The following IL6R variants were observed in gnomAD, a reference collection of about 807,000 sequenced individuals.
The protein encoded by IL6R is interleukin 6 receptor, also known as interleukin-6 receptor subunit alpha.
Under a neutral mutation model 48.3 loss-of-function variants are expected in IL6R, and 38 were observed. The ratio of observed to expected loss-of-function variants is 0.79; its 90% CI spans 0.61 to 1.03. The LOEUF is 1.03. IL6R is among the 50% of genes least tolerant of loss of function. IL6R has a pLI of 0.00. For missense variants in IL6R, 534 were observed against 618.3 expected (o/e 0.86, Z 1.45); for synonymous variants, 264 against 256.2 (o/e 1.03, Z -0.29).
At position 154,435,039 on chromosome 1, in the gene IL6R, C is replaced by A. The variant is rs148521372; in HGVS notation, c.690C>A (p.Asn230Lys). Residue 230 changes from asparagine (N) to lysine (K), a missense_variant, in exon 5 of 10, where the codon AAC becomes AAA. Asn to Lys is a moderately conservative substitution (Grantham distance 94). Coordinates refer to ENST00000368485, the MANE Select transcript of IL6R (RefSeq NM_000565.4). ...TCACAGTCACTGCCGTGGCCAGAAA[C>A]CCCCGCTGGCTCAGTGTCACCTGGC... ...ANITVTAVAR[N>K]PRWLSVTWQD... 1.9e-6 allele frequency: 3 copies of A among 1,614,172 alleles called. No individual in the cohort carries two copies. Among genetic ancestry groups the A allele is most frequent in the East Asian group, 2.2e-5 (1 of 44,892 alleles).
intron 8 of IL6R, 136 bp downstream of exon 8, chr1:154,450,116 G>A: frequency 1.7e-6 from 1 of 596,454 alleles, no homozygotes. Context: ...GTGTGTGTGT[G>A]TGTGTGTGTG....
Position 154,405,551 on chromosome 1 carries a change from C to A in IL6R, c.-79C>A. On this transcript the variant is annotated 5_prime_UTR_variant, in exon 1 of 10. Coordinates refer to ENST00000368485, the MANE Select transcript of IL6R (RefSeq NM_000565.4). This position sits in a 1 kb window ranked among gnomAD's most constrained non-coding sequence, Gnocchi z 5.2. ...CCTGCCCGCCCACCGCCCCGCCCCGCCCCTGCCACCCCTGCCGCCCGGTTC... is the reference window on the plus strand; with the variant it reads ...CCTGCCCGCCCACCGCCCCGCCCCGACCCTGCCACCCCTGCCGCCCGGTTC... The A allele has an allele frequency of 1.3e-6, 1 of 787,868 alleles. No homozygotes were observed. The highest frequency in any genetic ancestry group is 1.9e-6 in the Non-Finnish European group (1 of 515,964). 48.8% of individuals were successfully genotyped at this position (787,868 alleles called of 1,614,324 possible). A position where few individuals can be genotyped will look rare whatever the true frequency, so the allele number is the denominator to read the frequency against.
intron 9 of IL6R, among the ~76,000 whole-genome samples, chr1:154,455,868 C>A (rs1690850362): frequency 6.6e-6 from 1 of 151,816 alleles, no homozygotes; most frequent in Non-Finnish European, 1.5e-5. Context: ...ACCAGCCTGG[C>A]CAAAATGATA....
Position 154,455,027 on chromosome 1 carries a change from C to T in IL6R, c.1160+446C>T, listed in dbSNP as rs530943699. ...CTCCTAGGTTCAAGTGATCCTCCCA[C>T]CTCAGCCTCTGGAATAGCTGGGACT... On this transcript the variant is annotated intron_variant, in intron 9 of 9. Transcript: ENST00000368485. Among the ~76,000 whole-genome samples, 5 of 152,298 alleles carry T rather than the reference C, an allele frequency of 3.3e-5. No homozygotes were observed. In the East Asian group the frequency reaches 9.6e-4, roughly 29 times the overall value.
At chr1:154,435,402 C>T (rs992346937) in intron 5 of IL6R, among the ~76,000 whole-genome samples, 23 of 151,442 alleles carry the variant, frequency 1.5e-4, no homozygotes, top group African/African-American at 3.4e-4. Context: ...CCCAGCTATT[C>T]GGGGGCTGAG....
intron 9 of IL6R, among the ~76,000 whole-genome samples, chr1:154,460,510 G>A (rs1026702084): frequency 6.6e-6 from 1 of 152,144 alleles, no homozygotes; most frequent in Non-Finnish European, 1.5e-5. Context: ...ACATACATAT[G>A]TATGTGATAT....
intron 7 of IL6R, among the ~76,000 whole-genome samples, chr1:154,449,197 G>A (rs541147949): frequency 0.19 from 28 of 148 alleles, 1 homozygote; most frequent in South Asian, 0.43. Context: ...GCCCGGCCTT[G>A]TAGGGCTTCT....
chr1:154,436,561 T>C (rs560543031), intron 6 of IL6R, among the ~76,000 whole-genome samples: 1 of 152,352 alleles, frequency 6.6e-6, no homozygotes, highest in Admixed American at 6.5e-5. Context: ...GCAGCTCTTC[T>C]GCTGGTCTTG....
Position 154,434,722 on chromosome 1 carries a change from C to T in IL6R, c.640+22C>T, listed in dbSNP as rs1689510599. On this transcript the variant is annotated intron_variant, in intron 4 of 9. Transcript: ENST00000368485. ...ATCTGTACGTAAGCTCTAACCCCCT[C>T]TCCAGCAGTTTCCTTCTCTTTTGAT... is the stretch of plus-strand genomic sequence containing the variant. 5 of 1,599,908 alleles carry T rather than the reference C, an allele frequency of 3.1e-6. No individual in the cohort carries two copies. In the South Asian group the frequency reaches 5.6e-5, roughly 18 times the overall value.
chr1:154,446,681 G>C (rs1300163780), intron 6 of IL6R, among the ~76,000 whole-genome samples: 3 of 152,116 alleles, frequency 2.0e-5, no homozygotes, highest in Admixed American at 6.5e-5. Flanking sequence ...GAGGGTGCCT[G>C]GTCCACATCC....
At chr1:154,461,346 G>A (rs531115055) in intron 9 of IL6R, among the ~76,000 whole-genome samples, 65 of 152,254 alleles carry the variant, frequency 4.3e-4, no homozygotes, top group Non-Finnish European at 7.9e-4. Flanking sequence ...AGCTGGTGGA[G>A]GACAGTGTTC....
chr1:154,405,550 G>GC lies in IL6R; in HGVS notation c.-76dup. Reference sequence around the variant, plus strand: ...GCCTGCCCGCCCACCGCCCCGCCCCGCCCCTGCCACCCCTGCCGCCCGGTT... The same window carrying GC: ...GCCTGCCCGCCCACCGCCCCGCCCCGCCCCCTGCCACCCCTGCCGCCCGGTT... On this transcript the variant is annotated 5_prime_UTR_variant, in exon 1 of 10. Transcript: ENST00000368485. The surrounding 1 kb of genome is among the most constrained non-coding windows in gnomAD (Gnocchi z 5.2). 1 of 66,594 alleles carries GC rather than the reference G, an allele frequency of 1.5e-5. No homozygotes were observed. Among genetic ancestry groups the GC allele is most frequent in the Non-Finnish European group, 2.2e-5 (1 of 45,140 alleles). 4.1% of individuals were successfully genotyped at this position (66,594 alleles called of 1,614,324 possible).
At chr1:154,454,306 G>C (rs1690750043) in intron 8 of IL6R, 182 bp from the exon 9 acceptor site, 1 of 601,550 alleles carries the variant, frequency 1.7e-6, no homozygotes, top group Non-Finnish European at 3.0e-6. Context: ...ACAAAAAACA[G>C]TTAAGCTTGT....
chr1:154,433,928 C>T (rs940017072), intron 3 of IL6R, among the ~76,000 whole-genome samples: 5 of 151,732 alleles, frequency 3.3e-5, no homozygotes, highest in African/African-American at 1.2e-4. Flanking sequence ...AGGGTTTCAC[C>T]ATATTGGCTA....
rs534494758 is a variant in IL6R at position 154,436,240 on chromosome 1, C to T, written c.949+130C>T. The T allele has an allele frequency of 3.5e-5, 36 of 1,018,992 alleles. No homozygotes were observed. In the African/African-American group the frequency reaches 4.7e-4, roughly 13 times the overall value. The allele number at this position is 1,018,992 out of a possible 1,614,324, so 63.1% of individuals were successfully genotyped here. A position where few individuals can be genotyped will look rare whatever the true frequency, so the allele number is the denominator to read the frequency against. On this transcript the variant is annotated intron_variant, in intron 6 of 9. Coordinates refer to ENST00000368485, the MANE Select transcript of IL6R (RefSeq NM_000565.4). ...GTGTGGTGGCTCACACCTGTAATCC[C>T]AGCACTTTGGGAGGCTGAGGCGGGT...
chr1:154,405,924 G>C lies in IL6R; in HGVS notation c.85+210G>C, dbSNP rs1434938141. Among the ~76,000 whole-genome samples, 1 of 152,092 alleles carries C rather than the reference G, an allele frequency of 6.6e-6. No homozygotes were observed. The highest frequency in any genetic ancestry group is 1.5e-5 in the Non-Finnish European group (1 of 67,992). ...CCTGCTGCGCTTGCTCCCTTGGTCC[G>C]GAGCGCTCCCCGGAATGCCCGGTGA... On this transcript the variant is annotated intron_variant, in intron 1 of 9. Transcript: ENST00000368485. This position sits in a 1 kb window ranked among gnomAD's most constrained non-coding sequence, Gnocchi z 5.2.
intron 7 of IL6R, 24 bp from the exon 8 acceptor site, chr1:154,449,887 G>A: frequency 1.3e-6 from 2 of 1,508,574 alleles, no homozygotes; most frequent in Non-Finnish European, 1.8e-6. Flanking sequence ...GAAACAGGCT[G>A]ATGGTGAGGA....
intron 1 of IL6R, chr1:154,414,787 A>T: frequency 3.9e-6 from 3 of 762,930 alleles, no homozygotes; most frequent in East Asian, 2.5e-5. Flanking sequence ...CTCCAGCTCC[A>T]TGTGGAACTC....
intron 7 of IL6R, among the ~76,000 whole-genome samples, 196 bp from the exon 8 acceptor site, chr1:154,449,715 C>G (rs1690477020): frequency 6.6e-6 from 1 of 152,108 alleles, no homozygotes. Context: ...AAAGCCCCAC[C>G]TTTAGCAGGC....
Sources: gnomAD v4.1 joint callset for allele counts (sites outside exome capture counted in the v4.1 genomes callset) on GRCh38, gnomAD v4.1.1 for gene constraint, Gnocchi (gnomAD v3.1) non-coding constraint, MANE v1.5 for transcripts, NCBI Gene and HGNC (gene_info 2026-07-23, HGNC 2026-07-21) for gene names.